The following SFI1 variants were observed in gnomAD, a reference collection of about 807,000 sequenced individuals.
The protein encoded by SFI1 is protein SFI1 homolog.
SFI1 carries 195 observed loss-of-function variants against 207.5 expected under a neutral mutation model. That is an observed-to-expected ratio of 0.94 (90% CI 0.84 to 1.06). The LOEUF (loss-of-function observed/expected upper bound fraction) is 1.06, where lower values mean the gene tolerates loss of function less well. Among genes scored for constraint, SFI1 ranks in the 50% least tolerant of loss-of-function variants. The pLI is 0.00. For missense variants in SFI1, 1,634 were observed against 1,588.0 expected, an observed-to-expected ratio of 1.03 and a Z score of -0.49; for synonymous variants, 630 against 598.9, an observed-to-expected ratio of 1.05 and a Z score of -0.76.
intron 8 of SFI1, among the ~76,000 whole-genome samples, chr22:31,567,627 A>T (rs1010375409): frequency 6.6e-6 from 1 of 152,130 alleles, no homozygotes; most frequent in African/African-American, 2.4e-5. Context: ...TGGAAAAATA[A>T]ATGAAAAACT....
chr22:31,610,346 C>T (rs1159968136), intron 22 of SFI1, among the ~76,000 whole-genome samples: 1 of 152,146 alleles, frequency 6.6e-6, no homozygotes, highest in African/African-American at 2.4e-5. Context: ...TTGGGGTTGT[C>T]GTGGAGATCA....
At chr22:31,564,326 C>CAAA (rs1203864757) in intron 8 of SFI1, among the ~76,000 whole-genome samples, 1 of 63,454 alleles carries the variant, frequency 1.6e-5, no homozygotes, top group Non-Finnish European at 3.1e-5. Flanking sequence ...GACTCCATCT[C>CAAA]AAAAAAAAAA....
At chr22:31,589,631 G>A in intron 15 of SFI1, 54 bp downstream of exon 15, 2 of 1,564,386 alleles carry the variant, frequency 1.3e-6, no homozygotes, top group Non-Finnish European at 1.7e-6. Context: ...ATCTAACTCT[G>A]ACAACCACAC....
Position 31,611,238 on chromosome 22 carries a change from C to T in SFI1, c.2350C>T (p.Arg784Trp), listed in dbSNP as rs200693435. Reference protein sequence around the residue: ...QLERAVQHHHRQLLLEGLARW... With the variant: ...QLERAVQHHHWQLLLEGLARW... ...GGAGAGGGCAGTGCAACACCACCACCGGCAGCTGCTGCTGGAGGGGCTGGC... is the reference window on the plus strand; with the variant it reads ...GGAGAGGGCAGTGCAACACCACCACTGGCAGCTGCTGCTGGAGGGGCTGGC... Residue 784 changes from arginine (R) to tryptophan (W), a missense_variant, in exon 23 of 33, where the codon CGG becomes TGG. Transcript: ENST00000400288. 38 of 1,613,612 alleles carry T rather than the reference C, an allele frequency of 2.4e-5. No homozygotes were observed. The highest frequency in any genetic ancestry group is 1.7e-4 in the Middle Eastern group (1 of 5,976).
chr22:31,608,042 G>C lies in SFI1; in HGVS notation c.2254+9G>C. On this transcript the variant is annotated intron_variant, in intron 22 of 32. Transcript: ENST00000400288. The stretch of plus-strand genomic sequence containing the variant: ...GAAGGTGCTGGACAGGGGTAAGTGG[G>C]GCCCCAGAAGCAAGTCATGTTGAGG... 1 of 1,611,934 alleles carries C rather than the reference G, an allele frequency of 6.2e-7. No homozygotes were observed. The highest frequency in any genetic ancestry group is 1.1e-5 in the South Asian group (1 of 91,014).
intron 1 of SFI1, among the ~76,000 whole-genome samples, chr22:31,502,196 C>T (rs2053898232): frequency 1.3e-5 from 2 of 152,090 alleles, no homozygotes; most frequent in African/African-American, 4.8e-5. Context: ...GTGATGTTTT[C>T]TGACCAGAAA....
chr22:31,555,698 G>C (rs1453588946), intron 6 of SFI1, among the ~76,000 whole-genome samples: 1 of 152,186 alleles, frequency 6.6e-6, no homozygotes, highest in Non-Finnish European at 1.5e-5. Context: ...ACTTGTATGA[G>C]ATTAGGTGTG....
chr22:31,597,965 C>T (rs1046403214), intron 15 of SFI1, among the ~76,000 whole-genome samples: 2 of 150,842 alleles, frequency 1.3e-5, no homozygotes, highest in African/African-American at 2.4e-5. Context: ...AAATAAAGTT[C>T]GATGAGTTTT....
intron 15 of SFI1, among the ~76,000 whole-genome samples, chr22:31,594,016 G>GGGGC (rs1233744961): frequency 6.8e-6 from 1 of 147,444 alleles, no homozygotes; most frequent in Non-Finnish European, 1.5e-5. Context: ...CAGGGAGAGG[G>GGGGC]AGAGGGAGAG....
chr22:31,514,640 A>G (rs1164524591), intron 2 of SFI1, among the ~76,000 whole-genome samples: 3 of 151,356 alleles, frequency 2.0e-5, no homozygotes, highest in Non-Finnish European at 4.4e-5. Context: ...CTCTGTTTCT[A>G]TGCATTCAAT....
At chr22:31,602,541 T>C (rs2068287836) in intron 16 of SFI1, 66 bp from the exon 17 acceptor site, 22 of 1,570,724 alleles carry the variant, frequency 1.4e-5, no homozygotes, top group Non-Finnish European at 1.9e-5. Flanking sequence ...CTGTAAATTC[T>C]TTCCTGGCTT....
intron 4 of SFI1, among the ~76,000 whole-genome samples, chr22:31,538,789 G>T (rs2059225056): frequency 1.3e-5 from 2 of 151,962 alleles, no homozygotes; most frequent in South Asian, 4.2e-4. Context: ...CTCCTTTGTT[G>T]ATTCTTCCTC....
intron 10 of SFI1, among the ~76,000 whole-genome samples, chr22:31,577,551 G>A (rs2145988334): frequency 6.6e-6 from 1 of 152,214 alleles, no homozygotes; most frequent in Middle Eastern, 3.4e-3. Context: ...GAAACTACAG[G>A]CACACACCAT....
Position 31,535,932 on chromosome 22 carries a change from G to A in SFI1, c.338+4803G>A, listed in dbSNP as rs1206696050. On this transcript the variant is annotated intron_variant, in intron 4 of 32. Transcript: ENST00000400288. ...TACTGAACTTTTAGAGTGAGTCAAG[G>A]TTCGGTTAAGTTTTACTAATTTCAT... is the stretch of plus-strand genomic sequence containing the variant. Among the ~76,000 whole-genome samples, 7 of 152,040 alleles carry A rather than the reference G, an allele frequency of 4.6e-5. No homozygotes were observed. The East Asian group carries it at 1.2e-3, about 25-fold the overall frequency.
Position 31,613,382 on chromosome 22 carries a change from T to C in SFI1, c.2594T>C (p.Leu865Pro), listed in dbSNP as rs574356855. The C allele has an allele frequency of 1.6e-5, 25 of 1,611,666 alleles. 1 individual carries two copies. In the East Asian group the frequency reaches 3.3e-4, roughly 22 times the overall value. ...KVWATWLAFV[L>P]ERRRKKARLQ... ...TGGGCCACGTGGCTGGCCTTTGTAC[T>C]GGAAAGGAGGAGAAAGAAGGCGCGG... The change falls in exon 26 of 33, where the codon CTG becomes CCG. Residue 865 changes from leucine to proline, a missense_variant. Leu to Pro is a moderately conservative substitution (Grantham distance 98). Coordinates refer to ENST00000400288, the MANE Select transcript of SFI1 (RefSeq NM_001007467.3).
intron 11 of SFI1, 127 bp downstream of exon 11, chr22:31,578,579 C>T: frequency 1.4e-6 from 1 of 729,486 alleles, no homozygotes. Flanking sequence ...GGTCATGAAG[C>T]CCTCCTTTCA....
chr22:31,522,900 C>T (rs527993247), intron 2 of SFI1, among the ~76,000 whole-genome samples: 1 of 152,118 alleles, frequency 6.6e-6, no homozygotes, highest in Admixed American at 6.6e-5. Context: ...GTGATCCACC[C>T]GCCTGGGACT....
chr22:31,578,359 T>TG, intron 10 of SFI1, 23 bp from the exon 11 acceptor site: 1 of 1,610,220 alleles, frequency 6.2e-7, no homozygotes, highest in Non-Finnish European at 8.5e-7. Flanking sequence ...TTGTTGGGAC[T>TG]GGAGGCCTTC....
Position 31,551,728 on chromosome 22 carries a change from G to T in SFI1, c.544+1380G>T, listed in dbSNP as rs372151219. On this transcript the variant is annotated intron_variant, in intron 6 of 32. Transcript: ENST00000400288. ...ATACAGGTGTGAGCCACTGTGCCTG[G>T]CCTTAAGTTTAATTCTATAAGAAAC... is the stretch of plus-strand genomic sequence containing the variant. 3.2e-4 allele frequency among the ~76,000 whole-genome samples: 48 copies of T among 152,256 alleles called. 1 individual carries two copies. In the East Asian group the frequency reaches 5.2e-3, roughly 17 times the overall value.
Sources: gnomAD v4.1 joint callset for allele counts (sites outside exome capture counted in the v4.1 genomes callset) on GRCh38, gnomAD v4.1.1 for gene constraint, MANE v1.5 for transcripts, NCBI Gene and HGNC (gene_info 2026-07-23, HGNC 2026-07-21) for gene names.